Variants in RAB38 observed in about 807,000 individuals in gnomAD.
RAB38 encodes the protein ras-related protein Rab-38.
RAB38 carries 15 observed loss-of-function variants against 18.4 expected under a neutral mutation model. That is an observed-to-expected ratio of 0.82 (90% CI 0.55 to 1.26). The LOEUF is 1.26. Among genes scored for constraint, RAB38 ranks in the 50% most tolerant of loss-of-function variants. The pLI is 0.00. For missense variants in RAB38, 294 were observed against 267.4 expected, an observed-to-expected ratio of 1.10 and a Z score of -0.69; for synonymous variants, 101 against 104.4, an observed-to-expected ratio of 0.97 and a Z score of 0.20.
chr11:87,816,270 T>G, the RAB38 span: 1 of 152,514 alleles, frequency 6.6e-6, no homozygotes, highest in African/African-American at 2.4e-5. Context: ...GTTATAAGGT[T>G]TGTAGGTTTT....
the RAB38 span, among the ~76,000 whole-genome samples, chr11:88,025,188 T>A: frequency 6.6e-6 from 1 of 150,654 alleles, no homozygotes; most frequent in African/African-American, 2.4e-5. Flanking sequence ...GTGATATACA[T>A]ATGAGATATA....
At chr11:88,077,588 T>G in the RAB38 span, among the ~76,000 whole-genome samples, 1 of 152,076 alleles carries the variant, frequency 6.6e-6, no homozygotes, top group Non-Finnish European at 1.5e-5. Context: ...CTAGGAAAAC[T>G]GGATATGCAG....
At chr11:88,025,431 C>T in the RAB38 span, among the ~76,000 whole-genome samples, 1 of 152,080 alleles carries the variant, frequency 6.6e-6, no homozygotes, top group Non-Finnish European at 1.5e-5. Context: ...GGTAGCTCTG[C>T]TTTACGCTCT....
At chr11:87,958,432 T>C in the RAB38 span, among the ~76,000 whole-genome samples, 1 of 152,154 alleles carries the variant, frequency 6.6e-6, no homozygotes, top group Non-Finnish European at 1.5e-5. Flanking sequence ...TAAGAAAGTC[T>C]CCAACCTCCT....
At chr11:88,106,049 C>T in the RAB38 span, among the ~76,000 whole-genome samples, 1 of 152,026 alleles carries the variant, frequency 6.6e-6, no homozygotes, top group African/African-American at 2.4e-5. Flanking sequence ...CAGAAACAGT[C>T]TTCTTTTCTT....
chr11:88,052,935 T>TATTTCATATATATATATATC, the RAB38 span, among the ~76,000 whole-genome samples: 7 of 85,790 alleles, frequency 8.2e-5, no homozygotes, highest in African/African-American at 3.6e-4. Context: ...TATATATATA[T>TATTTCATATATATATATATC]ATATATATAA....
chr11:87,838,920 A>T, the RAB38 span, among the ~76,000 whole-genome samples: 1 of 152,200 alleles, frequency 6.6e-6, no homozygotes, highest in Non-Finnish European at 1.5e-5. Flanking sequence ...TGTATTCTCC[A>T]TTTCACAGGT....
chr11:88,028,879 T>A, the RAB38 span, among the ~76,000 whole-genome samples: 1 of 152,122 alleles, frequency 6.6e-6, no homozygotes, highest in East Asian at 1.9e-4. Flanking sequence ...ATATAGAGAA[T>A]GCCACAAAGA....
the RAB38 span, among the ~76,000 whole-genome samples, chr11:88,064,244 G>C: frequency 6.6e-6 from 1 of 152,222 alleles, no homozygotes; most frequent in Non-Finnish European, 1.5e-5. Flanking sequence ...CAAAAAGATG[G>C]AATGGAGTAG....
chr11:88,140,705 G>A (rs1294324549), intron 2 of RAB38, among the ~76,000 whole-genome samples: 2 of 152,130 alleles, frequency 1.3e-5, no homozygotes, highest in Non-Finnish European at 2.9e-5. Context: ...GAGACTTGAT[G>A]CAGTTTAACA....
At chr11:88,026,912 A>G in the RAB38 span, among the ~76,000 whole-genome samples, 1 of 152,220 alleles carries the variant, frequency 6.6e-6, no homozygotes, top group African/African-American at 2.4e-5. Flanking sequence ...TGGCAAATCT[A>G]AATTGTGAGA....
the RAB38 span, among the ~76,000 whole-genome samples, chr11:88,030,208 C>T: frequency 1.3e-5 from 2 of 152,280 alleles, no homozygotes; most frequent in South Asian, 4.1e-4. Context: ...GTACCAAAAT[C>T]TCTGGGACAC....
chr11:87,851,468 C>T, the RAB38 span, among the ~76,000 whole-genome samples: 9 of 152,178 alleles, frequency 5.9e-5, no homozygotes, highest in Non-Finnish European at 1.2e-4. Flanking sequence ...CATGCCTAAA[C>T]GAGTGGGAAT....
At chr11:88,062,855 T>A in the RAB38 span, among the ~76,000 whole-genome samples, 1 of 152,210 alleles carries the variant, frequency 6.6e-6, no homozygotes, top group South Asian at 2.1e-4. Flanking sequence ...AACTATATAG[T>A]CACAGAGATT....
chr11:87,977,627 T>C, the RAB38 span, among the ~76,000 whole-genome samples: 4 of 118,738 alleles, frequency 3.4e-5, no homozygotes, highest in Admixed American at 2.0e-4. Flanking sequence ...TATGTAATTG[T>C]ATATTATATA....
chr11:87,807,312 C>T, the RAB38 span, among the ~76,000 whole-genome samples: 5 of 152,202 alleles, frequency 3.3e-5, no homozygotes, highest in African/African-American at 4.8e-5. Flanking sequence ...TTAAAGTTTT[C>T]CACATGACAC....
the RAB38 span, among the ~76,000 whole-genome samples, chr11:88,106,182 C>G: frequency 2.4e-5 from 2 of 82,338 alleles, no homozygotes; most frequent in Non-Finnish European, 5.2e-5. Flanking sequence ...ACAGCTATCA[C>G]AGAGAGAAAA....
the RAB38 span, among the ~76,000 whole-genome samples, chr11:87,880,818 G>C: frequency 5.3e-5 from 8 of 151,842 alleles, no homozygotes; most frequent in African/African-American, 1.9e-4. Context: ...AATAGTTAAT[G>C]AGTGGGGCCT....
At chr11:88,115,271 C>T (rs1049913222) in intron 2 of RAB38, among the ~76,000 whole-genome samples, 1 of 152,046 alleles carries the variant, frequency 6.6e-6, no homozygotes, top group Non-Finnish European at 1.5e-5. Context: ...AAGGCTTTCT[C>T]GTTGTTAAAA....
Sources: gnomAD v4.1 joint callset for allele counts (sites outside exome capture counted in the v4.1 genomes callset) on GRCh38, gnomAD v4.1.1 for gene constraint, MANE v1.5 for transcripts, NCBI Gene and HGNC (gene_info 2026-07-23, HGNC 2026-07-21) for gene names.